LRP1B: variants seen among roughly 807,000 people sequenced by gnomAD.
The protein encoded by LRP1B is low-density lipoprotein receptor-related protein 1B.
A neutral mutation model predicts 556.6 loss-of-function variants in LRP1B; 217 were observed. That is an observed-to-expected ratio of 0.39 (90% CI 0.35 to 0.44). LRP1B has a LOEUF of 0.44. LRP1B is among the 20% of genes least tolerant of loss of function. LRP1B has a pLI of 1.00. For synonymous variants in LRP1B, 2,047 were observed against 1,865.8 expected, an observed-to-expected ratio of 1.10 and a Z score of -2.50; for missense variants, 5,053 against 5,620.8, an observed-to-expected ratio of 0.90 and a Z score of 3.23.
At chr2:140,932,312 G>T (rs1298602660) in intron 20 of LRP1B, among the ~76,000 whole-genome samples, 1 of 151,900 alleles carries the variant, frequency 6.6e-6, no homozygotes, top group Non-Finnish European at 1.5e-5. Flanking sequence ...CTAAATGAGG[G>T]GTCAGCAAGC....
At chr2:141,854,271 C>T (rs972102055) in intron 1 of LRP1B, among the ~76,000 whole-genome samples, 9 of 151,856 alleles carry the variant, frequency 5.9e-5, no homozygotes, top group Non-Finnish European at 1.2e-4. Context: ...ATCAGAACAT[C>T]GTCATAATTG....
intron 17 of LRP1B, among the ~76,000 whole-genome samples, chr2:140,985,886 GA>G (rs1238766557): frequency 6.0e-5 from 9 of 151,100 alleles, no homozygotes; most frequent in South Asian, 2.1e-4. Context: ...TTTTATCTAA[GA>G]AAAAAATGTA....
At chr2:140,322,831 A>G (rs1680222285) in intron 81 of LRP1B, among the ~76,000 whole-genome samples, 1 of 151,884 alleles carries the variant, frequency 6.6e-6, no homozygotes, top group South Asian at 2.1e-4. Context: ...TTCTGGAAGA[A>G]CCACTACTCA....
chr2:141,236,015 A>C (rs780856876), intron 5 of LRP1B, among the ~76,000 whole-genome samples: 12 of 152,152 alleles, frequency 7.9e-5, no homozygotes, highest in African/African-American at 2.9e-4. Flanking sequence ...GATCAAAACT[A>C]TGCTTTAAGA....
At chr2:141,034,095 T>C (rs1415807422) in intron 11 of LRP1B, among the ~76,000 whole-genome samples, 2 of 152,286 alleles carry the variant, frequency 1.3e-5, no homozygotes, top group South Asian at 2.1e-4. Context: ...AAAATCTCTT[T>C]TAGTTTTTAT....
chr2:140,428,954 A>C (rs1448372692), intron 66 of LRP1B, among the ~76,000 whole-genome samples: 1 of 152,104 alleles, frequency 6.6e-6, no homozygotes, highest in Non-Finnish European at 1.5e-5. Flanking sequence ...GACTACAGCC[A>C]CATCTCATTG....
intron 7 of LRP1B, among the ~76,000 whole-genome samples, chr2:141,166,292 T>C (rs896745206): frequency 6.6e-6 from 1 of 151,840 alleles, no homozygotes; most frequent in African/African-American, 2.4e-5. Context: ...CGTTTTATTG[T>C]CTTTTCCTTT....
At chr2:140,895,611 C>T (rs951749172) in intron 23 of LRP1B, among the ~76,000 whole-genome samples, 3 of 152,180 alleles carry the variant, frequency 2.0e-5, no homozygotes, top group Non-Finnish European at 2.9e-5. Flanking sequence ...TTTAACAGCT[C>T]AGTGTGACAA....
chr2:141,660,069 A>G (rs1162244931), intron 2 of LRP1B, among the ~76,000 whole-genome samples: 1 of 151,912 alleles, frequency 6.6e-6, no homozygotes, highest in African/African-American at 2.4e-5. Flanking sequence ...CTGCAGTCGG[A>G]GTCTCCCACC....
chr2:141,473,617 A>G (rs1228266538), intron 3 of LRP1B, among the ~76,000 whole-genome samples: 1 of 152,044 alleles, frequency 6.6e-6, no homozygotes, highest in Non-Finnish European at 1.5e-5. Context: ...AGCAGAATCT[A>G]CTCTTAACTT....
intron 1 of LRP1B, among the ~76,000 whole-genome samples, chr2:141,852,617 A>G (rs1482827825): frequency 1.3e-5 from 2 of 151,776 alleles, no homozygotes; most frequent in Non-Finnish European, 3.0e-5. Flanking sequence ...GGTCAATAGA[A>G]CAGAGCAAAA....
intron 41 of LRP1B, among the ~76,000 whole-genome samples, chr2:140,660,632 G>C (rs547385659): frequency 6.6e-6 from 1 of 152,006 alleles, no homozygotes; most frequent in South Asian, 2.1e-4. Context: ...CAAAGTTTTG[G>C]TTGTTTATGT....
At chr2:141,749,791 C>G (rs192458705) in intron 2 of LRP1B, among the ~76,000 whole-genome samples, 40 of 152,160 alleles carry the variant, frequency 2.6e-4, no homozygotes, top group African/African-American at 8.7e-4. Flanking sequence ...AAATGAGGCT[C>G]TAAATTATGA....
chr2:141,797,026 C>A (rs1296466853), intron 2 of LRP1B, among the ~76,000 whole-genome samples: 1 of 150,502 alleles, frequency 6.6e-6, no homozygotes, highest in Non-Finnish European at 1.5e-5. Context: ...GAAGAAAGTT[C>A]ACAAAACAAT....
chr2:141,886,551 CT>C (rs1052261619), intron 1 of LRP1B, among the ~76,000 whole-genome samples: 1 of 152,150 alleles, frequency 6.6e-6, no homozygotes, highest in African/African-American at 2.4e-5. Flanking sequence ...AGTAAAGCTA[CT>C]TTTGGGATAG....
At chr2:140,346,893 C>G (rs1186312661) in intron 77 of LRP1B, among the ~76,000 whole-genome samples, 1 of 151,886 alleles carries the variant, frequency 6.6e-6, no homozygotes. Flanking sequence ...GATTATTAAT[C>G]AGTAAAAATC....
At chr2:142,030,177 G>A (rs1044155330) in intron 1 of LRP1B, among the ~76,000 whole-genome samples, 4 of 151,850 alleles carry the variant, frequency 2.6e-5, no homozygotes, top group African/African-American at 9.7e-5. Context: ...GCAGTGAATG[G>A]CATGCATAAT....
intron 57 of LRP1B, among the ~76,000 whole-genome samples, chr2:140,491,648 C>A (rs111640911): frequency 0.049 from 7,515 of 152,018 alleles, 229 homozygotes; most frequent in African/African-American, 0.056. Context: ...AAAACTTTCC[C>A]TCTTGAAGCA....
In LRP1B at chr2:141,302,860, C is replaced by T. The variant is rs897806305; in HGVS notation, c.344-48219G>A. On this transcript the variant is annotated intron_variant, in intron 3 of 90. Coordinates refer to ENST00000389484, the MANE Select transcript of LRP1B (RefSeq NM_018557.3). ...AATAGCTTTAGCCCTATCTAGAAAA[C>T]GACTAGTTTATTAATTAATAAAGAA... Among the ~76,000 whole-genome samples the T allele has an allele frequency of 1.3e-4, 20 of 152,078 alleles. 1 individual carries two copies. The South Asian group carries it at 2.1e-3, about 16-fold the overall frequency.
Sources: allele counts gnomAD v4.1 joint callset (sites outside exome capture counted in the v4.1 genomes callset), GRCh38; gene constraint gnomAD v4.1.1; transcripts MANE v1.5; gene names NCBI Gene and HGNC (gene_info 2026-07-23, HGNC 2026-07-21).